The following GCLC variants were observed in gnomAD, a reference collection of about 807,000 sequenced individuals.
GCLC encodes glutamate-cysteine ligase catalytic subunit.
Under a neutral mutation model 81.5 loss-of-function variants are expected in GCLC, and 30 were observed. That is an observed-to-expected ratio of 0.37 (90% CI 0.28 to 0.50). GCLC has a LOEUF of 0.50. GCLC is among the 20% of genes least tolerant of loss of function. The pLI is 0.96. For synonymous variants in GCLC, 262 were observed against 273.3 expected (o/e 0.96, Z 0.41); for missense variants, 556 against 777.4 (o/e 0.72, Z 3.39).
chr6:53,499,041 G>A (rs759910532), intron 15 of GCLC, 74 bp from the exon 16 acceptor site: 51 of 904,896 alleles, frequency 5.6e-5, no homozygotes, highest in Middle Eastern at 2.2e-4. Flanking sequence ...ATATTTAGTG[G>A]TCAGCATAAA....
intron 6 of GCLC, among the ~76,000 whole-genome samples, chr6:53,511,225 G>A (rs1001198515): frequency 6.7e-6 from 1 of 149,048 alleles, no homozygotes; most frequent in Non-Finnish European, 1.5e-5. Context: ...TAAAGAGGAT[G>A]ACATGCGGTC....
chr6:53,503,242 C>A (rs1764546790), intron 12 of GCLC: 1 of 152,274 alleles, frequency 6.6e-6, no homozygotes, highest in Non-Finnish European at 1.5e-5. Context: ...AGCAAGAAGG[C>A]ACCATGTATG....
chr6:53,507,212 C>T (rs768871574), intron 9 of GCLC, 187 bp from the exon 10 acceptor site: 2 of 668,554 alleles, frequency 3.0e-6, no homozygotes, highest in Non-Finnish European at 5.5e-6. Flanking sequence ...GGAGTGTCAG[C>T]GTTTTATTCA....
Position 53,514,216 on chromosome 6 carries a change from A to G in GCLC, c.741T>C (p.Asn247=). ...YMDAMGFGMG[N]CCLQVTFQAC... ...TTTGAAACTATACCTGGAGACAGCA[A>G]TTGCCCATTCCAAATCCCATGGCAT... The change falls in exon 6 of 16, where the codon AAT becomes AAC. Residue 247 remains asparagine, a synonymous_variant. Coordinates refer to ENST00000650454, the MANE Select transcript of GCLC (RefSeq NM_001498.4). The G allele has an allele frequency of 6.2e-7, 1 of 1,614,048 alleles. No individual in the cohort carries two copies. Among genetic ancestry groups the G allele is most frequent in the Non-Finnish European group, 8.5e-7 (1 of 1,179,910 alleles).
chr6:53,520,308 G>A (rs1478394400), intron 3 of GCLC, among the ~76,000 whole-genome samples: 1 of 152,212 alleles, frequency 6.6e-6, no homozygotes, highest in Non-Finnish European at 1.5e-5. Flanking sequence ...TGCTTTGGGA[G>A]CACTGCAGAT....
At position 53,516,224 on chromosome 6, in the gene GCLC, T is replaced by C; in HGVS notation, c.447-2A>G. 6.4e-7 allele frequency: 1 copy of C among 1,570,044 alleles called. No homozygotes were observed. The highest frequency in any genetic ancestry group is 8.8e-7 in the Non-Finnish European group (1 of 1,139,812). On this transcript the variant is annotated splice_acceptor_variant, in intron 3 of 15. Transcript: ENST00000650454. LOFTEE classifies it high-confidence loss of function. Reference sequence around the variant, plus strand: ...AGTGTGAACCCAGGACAGCCTAATCTACAACAAATTGAAGAACTAAATAGA... The same window carrying C: ...AGTGTGAACCCAGGACAGCCTAATCCACAACAAATTGAAGAACTAAATAGA...
At chr6:53,523,054 G>A (rs576708399) in intron 1 of GCLC, among the ~76,000 whole-genome samples, 1 of 152,322 alleles carries the variant, frequency 6.6e-6, no homozygotes, top group African/African-American at 2.4e-5. Context: ...ACCGTGTGGA[G>A]AAGTTATTTG....
rs748025788 is a variant in GCLC at position 53,498,729 on chromosome 6, T to C, written c.*27A>G. On this transcript the variant is annotated 3_prime_UTR_variant, in exon 16 of 16. Coordinates refer to ENST00000650454, the MANE Select transcript of GCLC (RefSeq NM_001498.4). The stretch of plus-strand genomic sequence containing the variant: ...CATGGTACTGTAGCCAGTTCGTCAA[T>C]AATGCATTTTTCTTTCTGTAGAATG... 1.2e-5 allele frequency: 17 copies of C among 1,397,664 alleles called. No homozygotes were observed. In the Admixed American group the frequency reaches 1.3e-4, roughly 11 times the overall value. 86.6% of individuals were successfully genotyped at this position (1,397,664 alleles called of 1,614,324 possible).
chr6:53,542,151 A>G (rs1278018122), intron 1 of GCLC, among the ~76,000 whole-genome samples: 2 of 152,202 alleles, frequency 1.3e-5, no homozygotes, highest in African/African-American at 4.8e-5. Context: ...ACGCCCAGCC[A>G]TTATTAGAGT....
intron 1 of GCLC, among the ~76,000 whole-genome samples, chr6:53,537,679 T>TA (rs936253737): frequency 6.6e-6 from 1 of 150,898 alleles, no homozygotes; most frequent in Non-Finnish European, 1.5e-5. Flanking sequence ...AGAAATACAA[T>TA]AAAAAATTAC....
At chr6:53,530,604 C>T (rs1201162577) in intron 1 of GCLC, among the ~76,000 whole-genome samples, 1 of 152,054 alleles carries the variant, frequency 6.6e-6, no homozygotes, top group Admixed American at 6.6e-5. Context: ...TCACAGGGCT[C>T]GCTTGCCAGC....
chr6:53,524,560 TACTC>T (rs1251572078), intron 1 of GCLC, among the ~76,000 whole-genome samples: 1 of 152,206 alleles, frequency 6.6e-6, no homozygotes, highest in Non-Finnish European at 1.5e-5. Context: ...GGAACCCACT[TACTC>T]TGTGTAGCAT....
At chr6:53,512,338 T>A (rs919186713) in intron 6 of GCLC, among the ~76,000 whole-genome samples, 1 of 152,104 alleles carries the variant, frequency 6.6e-6, no homozygotes, top group Non-Finnish European at 1.5e-5. Context: ...ATACAGTAAG[T>A]CTTCCATTAG....
At chr6:53,538,331 T>C (rs550480466) in intron 1 of GCLC, among the ~76,000 whole-genome samples, 14 of 73,572 alleles carry the variant, frequency 1.9e-4, no homozygotes, top group Admixed American at 1.4e-3. Flanking sequence ...ATGCATTTTC[T>C]TTTTTTTTTT....
chr6:53,531,347 ATGT>A (rs1763169084), intron 1 of GCLC, among the ~76,000 whole-genome samples: 1 of 152,190 alleles, frequency 6.6e-6, no homozygotes, highest in South Asian at 2.1e-4. Flanking sequence ...TTTCGTGGAA[ATGT>A]TGTTTCACAG....
rs1764399585 is a variant in GCLC, at chr6:53,497,723, C to G, written c.*1033G>C. 6.6e-6 allele frequency: 1 copy of G among 152,508 alleles called. No homozygotes were observed. The highest frequency in any genetic ancestry group is 2.1e-4 in the South Asian group (1 of 4,822). The allele number at this position is 152,508 out of a possible 1,614,324, so 9.4% of individuals were successfully genotyped here. A position where few individuals can be genotyped will look rare whatever the true frequency, so the allele number is the denominator to read the frequency against. ...TTATTTACAATTAAACATTTAGGGT[C>G]CTGATTTACAAAACTCAGTGCCTTT... On this transcript the variant is annotated 3_prime_UTR_variant, in exon 16 of 16. Transcript: ENST00000650454.
chr6:53,527,663 C>G (rs1178203886), intron 1 of GCLC, among the ~76,000 whole-genome samples: 4 of 152,170 alleles, frequency 2.6e-5, no homozygotes, highest in Non-Finnish European at 5.9e-5. Context: ...TGAACGAGTG[C>G]TCAAAATGAC....
At position 53,514,511 on chromosome 6, in the gene GCLC, C is replaced by T. The variant is rs376132052; in HGVS notation, c.561-14G>A. 1.9e-6 allele frequency: 3 copies of T among 1,605,254 alleles called. No homozygotes were observed. Among genetic ancestry groups the T allele is most frequent in the East Asian group, 2.2e-5 (1 of 44,822 alleles). On this transcript the variant is annotated splice_polypyrimidine_tract_variant and intron_variant, in intron 4 of 15. Transcript: ENST00000650454. ...CTTGTTAAGGTACTAAAACAGACAA[C>T]CAAACGTCATAAATTGGTCACCTAA...
In GCLC at chr6:53,498,946, CT is replaced by C. The variant is rs1764440902; in HGVS notation, c.1723del (p.Arg575AspfsTer3). 6.2e-7 allele frequency: 1 copy of C among 1,612,770 alleles called. No individual in the cohort carries two copies. The highest frequency in any genetic ancestry group is 8.5e-7 in the Non-Finnish European group (1 of 1,179,008). Reference sequence around the variant, plus strand: ...GTTTGCGATAAACTCCCTCATCCATCTGGCAACTGTCATTAGTTCTCCTGTG... The same window carrying C: ...GTTTGCGATAAACTCCCTCATCCATCGGCAACTGTCATTAGTTCTCCTGTG... ...RASGELMTVA[R>X]WMREFIANHP... On this transcript the variant is annotated frameshift_variant, in exon 16 of 16. Coordinates refer to ENST00000650454, the MANE Select transcript of GCLC (RefSeq NM_001498.4). LOFTEE classifies it high-confidence loss of function.
Sources: gnomAD v4.1 joint callset for allele counts (sites outside exome capture counted in the v4.1 genomes callset) on GRCh38, gnomAD v4.1.1 for gene constraint, MANE v1.5 for transcripts, NCBI Gene and HGNC (gene_info 2026-07-23, HGNC 2026-07-21) for gene names.